The following C12orf50 variants were observed in gnomAD, a reference collection of about 807,000 sequenced individuals.
C12orf50 encodes uncharacterized protein C12orf50.
C12orf50 carries 35 observed loss-of-function variants against 61.6 expected under a neutral mutation model. The observed-to-expected ratio is 0.57, with a 90% CI of 0.43 to 0.75. C12orf50 has a LOEUF of 0.75. C12orf50 is among the 30% of genes least tolerant of loss of function. The pLI, the probability that C12orf50 is intolerant of heterozygous loss-of-function variation, is 0.00. For synonymous variants in C12orf50, 178 were observed against 161.5 expected (o/e 1.10, Z -0.77); for missense variants, 475 against 488.5 (o/e 0.97, Z 0.26).
chr12:88,014,139 A>C (rs1331671371), intron 3 of C12orf50, among the ~76,000 whole-genome samples: 4 of 152,202 alleles, frequency 2.6e-5, no homozygotes, highest in Non-Finnish European at 4.4e-5. Flanking sequence ...AATAGCTTTG[A>C]AAAGAAGTCT....
intron 11 of C12orf50, 102 bp downstream of exon 11, chr12:87,985,748 A>C (rs2030775832): frequency 1.8e-6 from 2 of 1,132,772 alleles, no homozygotes; most frequent in Admixed American, 3.6e-5. Flanking sequence ...CAGGGTAAAG[A>C]AGAGGGGAGT....
chr12:88,008,759 A>G (rs1450852591), intron 3 of C12orf50, among the ~76,000 whole-genome samples: 2 of 152,120 alleles, frequency 1.3e-5, no homozygotes, highest in Non-Finnish European at 2.9e-5. Context: ...CTTCATTCAC[A>G]CAATTTTCCT....
intron 3 of C12orf50, 102 bp from the exon 4 acceptor site, chr12:87,998,292 A>T (rs2031505085): frequency 1.2e-6 from 1 of 820,502 alleles, no homozygotes; most frequent in Admixed American, 3.3e-5. Context: ...ATATTATTTT[A>T]AAATGTGTAC....
In C12orf50 at chr12:87,989,390, G is replaced by A. The variant is rs2136413292; in HGVS notation, c.593-19C>T. 1.9e-6 allele frequency: 3 copies of A among 1,559,870 alleles called. No homozygotes were observed. In the South Asian group the frequency reaches 3.4e-5, roughly 18 times the overall value. On this transcript the variant is annotated intron_variant, in intron 7 of 12. Transcript: ENST00000298699. ...TCACCTCCTATGACAAAACCTTACT[G>A]TCAGTGGCAACAATGGCAGAAAGTG...
intron 8 of C12orf50, 139 bp from the exon 9 acceptor site, chr12:87,988,105 AG>A (rs2030925662): frequency 2.3e-6 from 1 of 434,762 alleles, no homozygotes; most frequent in Non-Finnish European, 3.9e-6. Flanking sequence ...TTGAGAGAAA[AG>A]CATCATTAAC....
At chr12:87,987,829 G>T in intron 9 of C12orf50, 21 bp downstream of exon 9, 1 of 1,468,370 alleles carries the variant, frequency 6.8e-7, no homozygotes. Flanking sequence ...AGGCCAAAAA[G>T]TGATAGAGCT....
intron 11 of C12orf50, 109 bp downstream of exon 11, chr12:87,985,741 G>T: frequency 8.6e-6 from 9 of 1,048,776 alleles, no homozygotes; most frequent in Non-Finnish European, 1.3e-5. Flanking sequence ...TGATGGCCAG[G>T]GTAAAGAAGA....
At chr12:87,990,843 C>T (rs1407719637) in intron 7 of C12orf50, among the ~76,000 whole-genome samples, 3 of 151,404 alleles carry the variant, frequency 2.0e-5, no homozygotes, top group Admixed American at 6.6e-5. Flanking sequence ...GCATAAAACT[C>T]CCTTTAAACT....
chr12:88,023,775 C>CA (rs911806987), intron 3 of C12orf50, among the ~76,000 whole-genome samples: 1 of 151,002 alleles, frequency 6.6e-6, no homozygotes, highest in Non-Finnish European at 1.5e-5. Context: ...AAGCATACAA[C>CA]AAAAAAGTTA....
At chr12:87,998,251 ACAAT>A (rs1319216835) in intron 3 of C12orf50, 61 bp from the exon 4 acceptor site, 2 of 1,338,062 alleles carry the variant, frequency 1.5e-6, no homozygotes, top group Non-Finnish European at 2.1e-6. Context: ...AGTAGATGTA[ACAAT>A]CAATCATTGC....
chr12:88,024,873 C>G (rs776852531), intron 3 of C12orf50, among the ~76,000 whole-genome samples: 2 of 152,024 alleles, frequency 1.3e-5, no homozygotes, highest in Non-Finnish European at 2.9e-5. Flanking sequence ...TGTGTCAAAT[C>G]CTGCTCGTGG....
intron 9 of C12orf50, among the ~76,000 whole-genome samples, chr12:87,987,371 G>A (rs1205462658): frequency 6.6e-6 from 1 of 152,018 alleles, no homozygotes; most frequent in African/African-American, 2.4e-5. Context: ...GCCAGGCTGC[G>A]ATCCAAGAAT....
intron 9 of C12orf50, 59 bp from the exon 10 acceptor site, chr12:87,986,475 T>C (rs887226004): frequency 2.4e-6 from 3 of 1,230,620 alleles, no homozygotes; most frequent in African/African-American, 3.1e-5. Context: ...CTGAAATTAC[T>C]GTAGGTGATA....
chr12:88,015,527 A>G (rs181490449), intron 3 of C12orf50, among the ~76,000 whole-genome samples: 2 of 152,336 alleles, frequency 1.3e-5, no homozygotes, highest in Admixed American at 1.3e-4. Flanking sequence ...TCCATGTTCA[A>G]GCTAGCTACT....
Position 88,019,856 on chromosome 12 carries a change from C to T in C12orf50, c.133+6632G>A, listed in dbSNP as rs1390258919. ...AGTGAACCTTTCAGAAGAAACCCTA[C>T]AAGCCAGAAAAGATTGGAAGCCTAC... is the stretch of plus-strand genomic sequence containing the variant. On this transcript the variant is annotated intron_variant, in intron 3 of 12. Coordinates refer to ENST00000298699, the MANE Select transcript of C12orf50 (RefSeq NM_152589.3). 7.2e-5 allele frequency among the ~76,000 whole-genome samples: 11 copies of T among 152,220 alleles called. No homozygotes were observed. The East Asian group carries it at 1.9e-3, about 27-fold the overall frequency.
intron 3 of C12orf50, among the ~76,000 whole-genome samples, chr12:88,023,638 A>G (rs2032600762): frequency 6.6e-6 from 1 of 150,996 alleles, no homozygotes; most frequent in Middle Eastern, 3.4e-3. Flanking sequence ...GTTGCACTCC[A>G]GCCTGGCAAC....
chr12:88,008,689 T>C (rs2031984460), intron 3 of C12orf50, among the ~76,000 whole-genome samples: 1 of 152,098 alleles, frequency 6.6e-6, no homozygotes, highest in East Asian at 1.9e-4. Context: ...AAATATATAT[T>C]GTAACAAGTA....
intron 5 of C12orf50, 34 bp downstream of exon 5, chr12:87,996,535 G>A (rs764304857): frequency 1.2e-5 from 19 of 1,590,752 alleles, no homozygotes; most frequent in Admixed American, 1.7e-5. Context: ...ATCACATCAA[G>A]TATTAGAAAA....
intron 8 of C12orf50, among the ~76,000 whole-genome samples, chr12:87,988,477 T>C (rs2030954496): frequency 6.6e-6 from 1 of 152,150 alleles, no homozygotes. Flanking sequence ...CACTGAATTT[T>C]TTATTTTATT....
Sources: allele counts gnomAD v4.1 joint callset (sites outside exome capture counted in the v4.1 genomes callset), GRCh38; gene constraint gnomAD v4.1.1; transcripts MANE v1.5; gene names NCBI Gene and HGNC (gene_info 2026-07-23, HGNC 2026-07-21).